Variants in VDR observed in about 807,000 individuals in gnomAD.
VDR encodes vitamin D receptor.
A neutral mutation model predicts 39.7 loss-of-function variants in VDR; 19 were observed. The observed-to-expected ratio is 0.48, with a 90% CI of 0.33 to 0.70. The LOEUF is 0.70. Among genes scored for constraint, VDR ranks in the 30% least tolerant of loss-of-function variants. The pLI, the probability that VDR is intolerant of heterozygous loss-of-function variation, is 0.02. For missense variants in VDR, 442 were observed against 570.5 expected, an observed-to-expected ratio of 0.77 and a Z score of 2.29; for synonymous variants, 242 against 215.8, an observed-to-expected ratio of 1.12 and a Z score of -1.07.
intron 3 of VDR, among the ~76,000 whole-genome samples, chr12:47,868,674 TCAC>T (rs1945785335): frequency 6.6e-6 from 1 of 152,048 alleles, no homozygotes; most frequent in Non-Finnish European, 1.5e-5. Context: ...GCTTCATCCG[TCAC>T]CACAAATGCT....
Position 47,877,829 on chromosome 12 carries a change from G to A in VDR, c.146+1139C>T, listed in dbSNP as rs75358931. 7.5e-3 allele frequency among the ~76,000 whole-genome samples: 1,137 copies of A among 152,264 alleles called. 19 individuals carry two copies. Among genetic ancestry groups the A allele is most frequent in the African/African-American group, 0.025 (1,059 of 41,534 alleles). On this transcript the variant is annotated intron_variant, in intron 3 of 9. Transcript: ENST00000549336. ...TCCCCGAGCTGGAGAGTAGGCTGCC[G>A]GGAAGCCAAGCGGGCAGCCAGTGCC... is the stretch of plus-strand genomic sequence containing the variant.
intron 1 of VDR, among the ~76,000 whole-genome samples, chr12:47,889,618 G>T (rs1195309081): frequency 1.3e-5 from 2 of 152,146 alleles, no homozygotes; most frequent in African/African-American, 4.8e-5. Flanking sequence ...ACTAGCATGG[G>T]GGTACTTCCC....
chr12:47,886,282 C>T (rs1230908935), intron 1 of VDR, among the ~76,000 whole-genome samples: 2 of 152,188 alleles, frequency 1.3e-5, no homozygotes, highest in Admixed American at 6.5e-5. Flanking sequence ...TGCTATTTTT[C>T]GTTTCATCAT....
intron 1 of VDR, among the ~76,000 whole-genome samples, chr12:47,901,961 G>A (rs977182769): frequency 2.0e-5 from 3 of 152,210 alleles, no homozygotes; most frequent in African/African-American, 7.2e-5. Context: ...GAAAAGACGA[G>A]AATTGGCTGA....
At chr12:47,869,256 G>C (rs11168269) in intron 3 of VDR, among the ~76,000 whole-genome samples, 1 of 152,226 alleles carries the variant, frequency 6.6e-6, no homozygotes, top group African/African-American at 2.4e-5. Context: ...GGAAGAGAAG[G>C]CCGGGCGCGG....
intron 5 of VDR, 57 bp downstream of exon 5, chr12:47,857,447 T>C: frequency 6.2e-7 from 1 of 1,612,688 alleles, no homozygotes; most frequent in Non-Finnish European, 8.5e-7. Context: ...CCCTGGGCCC[T>C]GGCTCCACTA....
chr12:47,899,046 C>T (rs1435517159), intron 1 of VDR, among the ~76,000 whole-genome samples: 4 of 152,174 alleles, frequency 2.6e-5, no homozygotes, highest in Middle Eastern at 3.4e-3. Context: ...TGTGATATAT[C>T]GCGGTTTTTA....
At position 47,845,008 on chromosome 12, in the gene VDR, G is replaced by T; in HGVS notation, c.1025-3C>A. On this transcript the variant is annotated splice_region_variant and splice_polypyrimidine_tract_variant and intron_variant, in intron 9 of 9. Coordinates refer to ENST00000549336, the MANE Select transcript of VDR (RefSeq NM_000376.3). ...GGCGTCCTGCACCCCAGGACGATCT[G>T]TGGGCACGGGGATAGAGAAGAAGGC... 5.6e-6 allele frequency: 9 copies of T among 1,611,454 alleles called. No homozygotes were observed. The highest frequency in any genetic ancestry group is 7.6e-6 in the Non-Finnish European group (9 of 1,179,916).
chr12:47,881,119 T>TACAC (rs59578257), intron 2 of VDR, among the ~76,000 whole-genome samples: 91 of 149,082 alleles, frequency 6.1e-4, no homozygotes, highest in African/African-American at 1.7e-3. Flanking sequence ...TATATATATA[T>TACAC]ACACACACAT....
At position 47,843,237 on chromosome 12, in the gene VDR, A is replaced by T. The variant is rs1222917769; in HGVS notation, c.*1509T>A. The T allele has an allele frequency of 2.0e-5, 3 of 152,288 alleles. No homozygotes were observed. The highest frequency in any genetic ancestry group is 1.3e-4 in the Admixed American group (2 of 15,282). The allele number at this position is 152,288 out of a possible 1,614,324, so 9.4% of individuals were successfully genotyped here. On this transcript the variant is annotated 3_prime_UTR_variant, in exon 10 of 10. Transcript: ENST00000549336. Reference sequence around the variant, plus strand: ...CAAGGCTCTTGCAGTGTGAAGTCTGATTCCTCTCTGGGTTTTCAGGGAACT... The same window carrying T: ...CAAGGCTCTTGCAGTGTGAAGTCTGTTTCCTCTCTGGGTTTTCAGGGAACT...
intron 3 of VDR, among the ~76,000 whole-genome samples, chr12:47,868,966 C>G (rs139636841): frequency 2.1e-3 from 322 of 152,318 alleles, no homozygotes; most frequent in African/African-American, 7.4e-3. Context: ...TCTCACCAGA[C>G]TGGGCCCGGG....
intron 1 of VDR, among the ~76,000 whole-genome samples, chr12:47,887,707 C>T (rs906509430): frequency 6.6e-6 from 1 of 152,212 alleles, no homozygotes; most frequent in Non-Finnish European, 1.5e-5. Context: ...GGGTGTGCTC[C>T]CAGCAGGGCT....
At chr12:47,850,919 T>C (rs1378560972) in intron 7 of VDR, among the ~76,000 whole-genome samples, 1 of 151,968 alleles carries the variant, frequency 6.6e-6, no homozygotes, top group Non-Finnish European at 1.5e-5. Context: ...GCAGGGCTCT[T>C]ATCTCCTTGC....
chr12:47,855,985 G>A (rs1366413957), intron 6 of VDR, among the ~76,000 whole-genome samples, 184 bp from the exon 7 acceptor site: 2 of 152,196 alleles, frequency 1.3e-5, no homozygotes, highest in East Asian at 3.8e-4. Context: ...TCTTTCAGCA[G>A]CATAAGGCAG....
At chr12:47,864,026 T>C (rs1945676689) in intron 4 of VDR, among the ~76,000 whole-genome samples, 1 of 152,182 alleles carries the variant, frequency 6.6e-6, no homozygotes, top group Non-Finnish European at 1.5e-5. Context: ...AGGGTCCGCA[T>C]CTGAGCAACA....
intron 7 of VDR, among the ~76,000 whole-genome samples, chr12:47,849,895 G>A (rs1945353243): frequency 6.6e-6 from 1 of 151,722 alleles, no homozygotes; most frequent in South Asian, 2.1e-4. Context: ...CTGTCACCCA[G>A]GCTGGAGTGC....
At chr12:47,883,842 C>T (rs1056634087) in intron 1 of VDR, among the ~76,000 whole-genome samples, 12 of 152,170 alleles carry the variant, frequency 7.9e-5, no homozygotes, top group Admixed American at 2.0e-4. Flanking sequence ...AACTGTGAGC[C>T]GACTGAGGCC....
intron 1 of VDR, among the ~76,000 whole-genome samples, chr12:47,885,296 A>G (rs1191694384): frequency 6.6e-6 from 1 of 152,212 alleles, no homozygotes; most frequent in African/African-American, 2.4e-5. Flanking sequence ...CCCTGACCCC[A>G]GTGCTGACCT....
intron 3 of VDR, among the ~76,000 whole-genome samples, chr12:47,865,714 C>CTTTT (rs34900299): frequency 9.4e-6 from 1 of 106,358 alleles, no homozygotes; most frequent in African/African-American, 3.6e-5. Flanking sequence ...CACTCCGACT[C>CTTTT]TTTTTTTTTT....
Sources: gnomAD v4.1 joint callset for allele counts (sites outside exome capture counted in the v4.1 genomes callset) on GRCh38, gnomAD v4.1.1 for gene constraint, MANE v1.5 for transcripts, NCBI Gene and HGNC (gene_info 2026-07-23, HGNC 2026-07-21) for gene names.